ACSM3: variants seen among roughly 807,000 people sequenced by gnomAD.
ACSM3 encodes acyl-coenzyme A synthetase ACSM3, mitochondrial.
Under a neutral mutation model 74.1 loss-of-function variants are expected in ACSM3, and 61 were observed. The observed-to-expected ratio is 0.82, with a 90% CI of 0.67 to 1.02. The LOEUF (loss-of-function observed/expected upper bound fraction) is 1.02. Among genes scored for constraint, ACSM3 ranks in the 50% least tolerant of loss-of-function variants. ACSM3 has a pLI of 0.00. For missense variants in ACSM3, 660 were observed against 697.0 expected, an observed-to-expected ratio of 0.95 and a Z score of 0.60; for synonymous variants, 213 against 241.5, an observed-to-expected ratio of 0.88 and a Z score of 1.09.
intron 1 of ACSM3, among the ~76,000 whole-genome samples, chr16:20,746,620 T>C (rs117608881): frequency 0.012 from 1,837 of 152,330 alleles, 23 homozygotes; most frequent in Non-Finnish European, 0.02. Flanking sequence ...GCAGCACTTG[T>C]CACATTTGTG....
rs1467252956 is a variant in ACSM3, at chr16:20,790,065, ATCC to A, written c.1225-520_1225-518del. ...GATGGTAAAATTTTTAAAAAATTTT[ATCC>A]TGCGTTCACATGTTGGTAACCTGTA... On this transcript the variant is annotated intron_variant, in intron 9 of 13. Transcript: ENST00000289416. The surrounding 1 kb of genome is among the most constrained non-coding windows in gnomAD (Gnocchi z 4.0). Among the ~76,000 whole-genome samples the A allele has an allele frequency of 6.6e-6, 1 of 152,226 alleles. No homozygotes were observed. Among genetic ancestry groups the A allele is most frequent in the African/African-American group, 2.4e-5 (1 of 41,454 alleles).
At chr16:20,739,641 T>C (rs1177037584) in intron 1 of ACSM3, among the ~76,000 whole-genome samples, 2 of 151,718 alleles carry the variant, frequency 1.3e-5, no homozygotes, top group Admixed American at 6.6e-5. Flanking sequence ...GCCAACATGG[T>C]GAAACCTTGT....
rs567626830 is a variant in ACSM3 at position 20,726,956 on chromosome 16, T to G, written c.-189-22954T>G. Among the ~76,000 whole-genome samples the G allele has an allele frequency of 3.3e-5, 5 of 152,326 alleles. No homozygotes were observed. In the South Asian group the frequency reaches 1.0e-3, roughly 32 times the overall value. The stretch of plus-strand genomic sequence containing the variant: ...ATGTCCTCATGTGTAAAGTAGGGGT[T>G]GAGAGGAGTCTAAGAATGCTTCTAA... On this transcript the variant is annotated intron_variant, in intron 1 of 3. Coordinates refer to the ACSM3 transcript ENST00000561584.
At chr16:20,718,563 C>T (rs547914651) in intron 1 of ACSM3, 89 of 240,836 alleles carry the variant, frequency 3.7e-4, no homozygotes, top group Non-Finnish European at 4.1e-4. Flanking sequence ...TCCAACTAAT[C>T]GATACTTCTC....
At chr16:20,789,340 A>G in intron 9 of ACSM3, 1 of 673,500 alleles carries the variant, frequency 1.5e-6, no homozygotes, top group Non-Finnish European at 2.6e-6. Context: ...AGGAATAGGT[A>G]CATGTCAAGT....
chr16:20,745,281 C>G (rs1231131194), intron 1 of ACSM3, among the ~76,000 whole-genome samples: 3 of 152,080 alleles, frequency 2.0e-5, no homozygotes, highest in Non-Finnish European at 4.4e-5. Flanking sequence ...GCTTGAAAAC[C>G]TCTCTTAGAA....
rs200509570 is a variant in ACSM3, at chr16:20,790,802, T to C, written c.1326+114T>C. 108 of 1,613,358 alleles carry C rather than the reference T, an allele frequency of 6.7e-5. No homozygotes were observed. In the East Asian group the frequency reaches 1.4e-3, roughly 20 times the overall value. The stretch of plus-strand genomic sequence containing the variant: ...AGGTACTTGACCCTTTCTTGAGAGA[T>C]TGGTTGTCCTGAATAGTAATCCAAA... On this transcript the variant is annotated intron_variant, in intron 10 of 13. Transcript: ENST00000289416. This position sits in a 1 kb window ranked among gnomAD's most constrained non-coding sequence, Gnocchi z 4.0.
chr16:20,741,733 C>A (rs759065692), intron 1 of ACSM3: 9 of 1,569,732 alleles, frequency 5.7e-6, no homozygotes, highest in Non-Finnish European at 7.8e-6. Flanking sequence ...TGGGCAGGGG[C>A]CGCCATGGTG....
intron 1 of ACSM3, among the ~76,000 whole-genome samples, chr16:20,740,376 G>C (rs995011294): frequency 6.6e-6 from 1 of 152,196 alleles, no homozygotes; most frequent in African/African-American, 2.4e-5. Context: ...CCTCCACCTT[G>C]GGTGACAGAG....
upstream of ACSM3, among the ~76,000 whole-genome samples, chr16:20,760,065 TG>T (rs1279093223): frequency 1.3e-5 from 2 of 152,090 alleles, no homozygotes; most frequent in African/African-American, 4.8e-5. Context: ...CAAGCACAAC[TG>T]ACCAACATTA....
intron 1 of ACSM3, chr16:20,741,671 C>A (rs1489905342): frequency 1.3e-6 from 2 of 1,584,696 alleles, no homozygotes; most frequent in South Asian, 1.2e-5. Context: ...GCTTGGCCAG[C>A]ACATACTGAG....
At chr16:20,737,793 A>G in intron 1 of ACSM3, 1 of 1,613,868 alleles carries the variant, frequency 6.2e-7, no homozygotes, top group Non-Finnish European at 8.5e-7. Flanking sequence ...CTTTGTTTGG[A>G]GCTTTAAACC....
intron 1 of ACSM3, among the ~76,000 whole-genome samples, chr16:20,698,201 A>G (rs562300280): frequency 6.6e-6 from 1 of 151,782 alleles, no homozygotes; most frequent in African/African-American, 2.4e-5. Flanking sequence ...AAAAAAAAAA[A>G]AAAAAGAAAA....
At chr16:20,785,151 C>A in intron 8 of ACSM3, 44 bp downstream of exon 8, 3 of 1,607,060 alleles carry the variant, frequency 1.9e-6, no homozygotes, top group South Asian at 2.2e-5. Flanking sequence ...TCCATTTAGT[C>A]AGATGAATAA....
At chr16:20,693,237 G>C (rs1033484884) in intron 1 of ACSM3, among the ~76,000 whole-genome samples, 1 of 152,022 alleles carries the variant, frequency 6.6e-6, no homozygotes, top group Non-Finnish European at 1.5e-5. Flanking sequence ...CAATGGACTG[G>C]GATGTGGCAT....
chr16:20,699,963 T>G (rs2079708727), intron 1 of ACSM3, among the ~76,000 whole-genome samples: 1 of 152,166 alleles, frequency 6.6e-6, no homozygotes, highest in African/African-American at 2.4e-5. Context: ...TTCTGAACAA[T>G]AAACTCCATG....
chr16:20,705,861 A>T (rs1022084371), intron 1 of ACSM3, among the ~76,000 whole-genome samples: 2 of 152,244 alleles, frequency 1.3e-5, no homozygotes, highest in African/African-American at 4.8e-5. Flanking sequence ...TATGTTCAAT[A>T]TGAACAATAA....
intron 1 of ACSM3, among the ~76,000 whole-genome samples, chr16:20,686,572 A>G (rs1301029684): frequency 2.0e-5 from 3 of 152,190 alleles, no homozygotes; most frequent in African/African-American, 7.2e-5. Context: ...AACCACCATG[A>G]CACGCATATA....
intron 1 of ACSM3, among the ~76,000 whole-genome samples, chr16:20,742,478 A>G (rs2079935806): frequency 6.6e-6 from 1 of 152,104 alleles, no homozygotes; most frequent in Admixed American, 6.5e-5. Flanking sequence ...CAACATCTCT[A>G]CTAAAATGCA....
Sources: allele counts gnomAD v4.1 joint callset (sites outside exome capture counted in the v4.1 genomes callset), GRCh38; gene constraint gnomAD v4.1.1; non-coding constraint Gnocchi (gnomAD v3.1); transcripts MANE v1.5; gene names NCBI Gene and HGNC (gene_info 2026-07-23, HGNC 2026-07-21).